Variants in ERMAP observed in about 807,000 individuals in gnomAD.
ERMAP encodes the protein erythroblast membrane associated protein (Scianna blood group), also known as erythroid membrane-associated protein.
In ERMAP, 34 loss-of-function variants were observed where a neutral mutation model predicts 49.5. The observed-to-expected ratio is 0.69, with a 90% CI of 0.52 to 0.91. The LOEUF (loss-of-function observed/expected upper bound fraction) is 0.91, where lower values mean the gene tolerates loss of function less well. ERMAP is among the 40% of genes least tolerant of loss of function. ERMAP has a pLI of 0.00. For missense variants in ERMAP, 541 were observed against 582.6 expected (o/e 0.93, Z 0.74); for synonymous variants, 214 against 232.2 (o/e 0.92, Z 0.71).
Position 42,830,754 on chromosome 1 carries a change from C to CT in ERMAP, c.86-7dup, listed in dbSNP as rs1557608299. The CT allele has an allele frequency of 1.3e-6, 2 of 1,516,294 alleles. No individual in the cohort carries two copies. The highest frequency in any genetic ancestry group is 1.8e-6 in the Non-Finnish European group (2 of 1,132,040). 93.9% of individuals were successfully genotyped at this position (1,516,294 alleles called of 1,614,324 possible). Reference sequence around the variant, plus strand: ...CCGTCCCTCCCAGTTGGCCTTGTCTCTTTTTTTGTCCAGGCCACGCAGGGG... The same window carrying CT: ...CCGTCCCTCCCAGTTGGCCTTGTCTCTTTTTTTTGTCCAGGCCACGCAGGGG... On this transcript the variant is annotated splice_polypyrimidine_tract_variant and intron_variant, in intron 3 of 11. Transcript: ENST00000372517.
chr1:42,839,915 C>T (rs1655008258), intron 8 of ERMAP, 118 bp from the exon 9 acceptor site: 1 of 1,036,292 alleles, frequency 9.6e-7, no homozygotes, highest in South Asian at 1.3e-5. Flanking sequence ...TGGGGAAGTT[C>T]CAGGGTATAG....
chr1:42,840,739 G>C (rs1655035677), intron 11 of ERMAP, among the ~76,000 whole-genome samples: 1 of 152,102 alleles, frequency 6.6e-6, no homozygotes, highest in South Asian at 2.1e-4. Context: ...ATGCATAAGT[G>C]TTTTATTTTT....
intron 6 of ERMAP, among the ~76,000 whole-genome samples, chr1:42,836,431 T>C (rs1234593435): frequency 6.6e-6 from 1 of 151,990 alleles, no homozygotes; most frequent in Non-Finnish European, 1.5e-5. Context: ...AGGGGAAAAG[T>C]GGCAGGGGTG....
rs951485886 is a variant in ERMAP at position 42,819,054 on chromosome 1, GTGGAAAAGCCACATGGAAGAC to G, written c.-122+1810_-122+1830del. ...CAAACCAGCTATAGGGAATGGAGGA[GTGGAAAAGCCACATGGAAGAC>G]TGGAAAAGTAGTGGTGCCACTGAGC... On this transcript the variant is annotated intron_variant, in intron 1 of 11. Transcript: ENST00000372517. This position sits in a 1 kb window ranked among gnomAD's most constrained non-coding sequence, Gnocchi z 5.1. Among the ~76,000 whole-genome samples the G allele has an allele frequency of 6.6e-6, 1 of 152,156 alleles. No homozygotes were observed. Among genetic ancestry groups the G allele is most frequent in the African/African-American group, 2.4e-5 (1 of 41,418 alleles).
chr1:42,830,820 C>G lies in ERMAP; in HGVS notation c.138C>G (p.Ala46=), dbSNP rs150122881. The G allele has an allele frequency of 1.2e-5, 19 of 1,586,114 alleles. No homozygotes were observed. The highest frequency in any genetic ancestry group is 1.4e-5 in the Non-Finnish European group (16 of 1,166,616). The change falls in exon 4 of 12, where the codon GCC becomes GCG. Residue 46 remains alanine, a synonymous_variant. Coordinates refer to ENST00000372517, the MANE Select transcript of ERMAP (RefSeq NM_001017922.2). ...ACGTGGCCCTACTAGGGGGCACAGC[C>G]GAGCTGCTCTGCCCTCTCTCCCTCT... ...KFHVALLGGT[A]ELLCPLSLWP...
chr1:42,824,194 A>C lies in ERMAP; in HGVS notation c.-121-1429A>C, dbSNP rs184870556. On this transcript the variant is annotated intron_variant, in intron 1 of 11. Coordinates refer to ENST00000372517, the MANE Select transcript of ERMAP (RefSeq NM_001017922.2). ...CCCGTCTCTACTAAAAATACAAAAA[A>C]AAAAATAGCTGGGCGTGGTGGCGGG... Among the ~76,000 whole-genome samples the C allele has an allele frequency of 9.5e-4, 145 of 151,946 alleles. 2 individuals are homozygous for C. In the East Asian group the frequency reaches 0.026, roughly 27 times the overall value.
chr1:42,831,575 C>CT (rs796367653), intron 4 of ERMAP, among the ~76,000 whole-genome samples: 29 of 83,972 alleles, frequency 3.5e-4, no homozygotes, highest in African/African-American at 6.8e-4. Flanking sequence ...TTTTTTTTCT[C>CT]TTTTTTTTTT....
intron 4 of ERMAP, among the ~76,000 whole-genome samples, chr1:42,833,882 G>A (rs145238971): frequency 9.7e-4 from 147 of 152,222 alleles, no homozygotes; most frequent in African/African-American, 3.4e-3. Flanking sequence ...TCCTTGAAAC[G>A]AACTGGAGAC....
chr1:42,819,421 C>T lies in ERMAP; in HGVS notation c.-122+2168C>T, dbSNP rs1325853739. On this transcript the variant is annotated intron_variant, in intron 1 of 11. Coordinates refer to ENST00000372517, the MANE Select transcript of ERMAP (RefSeq NM_001017922.2). The surrounding 1 kb of genome is among the most constrained non-coding windows in gnomAD (Gnocchi z 5.1). Reference sequence around the variant, plus strand: ...AGGCTGAACACTGTCAAAGTCCCCTCTCTATTCTTTCCATGAGTTTATGCT... The same window carrying T: ...AGGCTGAACACTGTCAAAGTCCCCTTTCTATTCTTTCCATGAGTTTATGCT... Among the ~76,000 whole-genome samples the T allele has an allele frequency of 1.3e-5, 2 of 151,982 alleles. No homozygotes were observed. The highest frequency in any genetic ancestry group is 2.9e-5 in the Non-Finnish European group (2 of 67,934).
chr1:42,823,720 G>A (rs1395981594), intron 1 of ERMAP, among the ~76,000 whole-genome samples: 1 of 152,126 alleles, frequency 6.6e-6, no homozygotes, highest in Admixed American at 6.5e-5. Flanking sequence ...GATATGCAGC[G>A]TAACTGTTTA....
chr1:42,824,404 A>G (rs1186202574), intron 1 of ERMAP: 1 of 152,208 alleles, frequency 6.6e-6, no homozygotes, highest in Non-Finnish European at 1.5e-5. Flanking sequence ...AAGCCCAGAA[A>G]CAACCCACAT....
rs968986534 is a variant in ERMAP at position 42,838,149 on chromosome 1, C to G, written c.617-752C>G. On this transcript the variant is annotated intron_variant, in intron 7 of 11. Transcript: ENST00000372517. The stretch of plus-strand genomic sequence containing the variant: ...TCACATTATTGAGAGGATTCAGTGC[C>G]TACTTCAGTATAAGCACAGCAGACA... 3.3e-5 allele frequency among the ~76,000 whole-genome samples: 5 copies of G among 152,198 alleles called. 1 individual carries two copies. The highest frequency in any genetic ancestry group is 2.6e-4 in the Admixed American group (4 of 15,282).
At chr1:42,822,085 A>G (rs1246699278) in intron 1 of ERMAP, among the ~76,000 whole-genome samples, 4 of 151,404 alleles carry the variant, frequency 2.6e-5, no homozygotes, top group African/African-American at 9.7e-5. Context: ...ATAATAAATT[A>G]TATAACAACA....
chr1:42,828,892 G>A lies in ERMAP; in HGVS notation c.-5-1552G>A, dbSNP rs185190038. ...TCTATTTGATTTCAGGCAGCCTTGG[G>A]TTAGCTTGGAGCTCTGGGTCACTCT... On this transcript the variant is annotated intron_variant, in intron 2 of 11. Coordinates refer to ENST00000372517, the MANE Select transcript of ERMAP (RefSeq NM_001017922.2). Among the ~76,000 whole-genome samples, 4 of 152,270 alleles carry A rather than the reference G, an allele frequency of 2.6e-5. No homozygotes were observed. The East Asian group carries it at 7.7e-4, about 29-fold the overall frequency.
At chr1:42,836,962 G>T (rs1033447131) in intron 6 of ERMAP, 196 bp from the exon 7 acceptor site, 22 of 544,944 alleles carry the variant, frequency 4.0e-5, no homozygotes, top group Admixed American at 6.6e-5. Context: ...AGAGACCAGA[G>T]GGATTAAGAC....
Position 42,843,086 on chromosome 1 carries a change from G to T in ERMAP, c.1282G>T (p.Gly428Trp), listed in dbSNP as rs1354914816. ...GGAATCAATTGTCCCCAGGCCAGAA[G>T]GGAAAGGCCATGCTAATGGAGATGT... ...SEESIVPRPE[G>W]KGHANGDVSL... Residue 428 changes from glycine (G) to tryptophan (W), a missense_variant, in exon 12 of 12, where the codon GGG (glycine) becomes TGG (tryptophan). Transcript: ENST00000372517. 5 of 1,614,086 alleles carry T rather than the reference G, an allele frequency of 3.1e-6. No homozygotes were observed. In the African/African-American group the frequency reaches 6.7e-5, roughly 22 times the overall value.
chr1:42,831,535 G>A (rs1654729528), intron 4 of ERMAP, among the ~76,000 whole-genome samples: 2 of 147,800 alleles, frequency 1.4e-5, no homozygotes, highest in African/African-American at 5.0e-5. Flanking sequence ...AAAGTAAAGG[G>A]TTAGGAAGGG....
intron 2 of ERMAP, among the ~76,000 whole-genome samples, chr1:42,826,934 C>T (rs1469026097): frequency 1.3e-5 from 2 of 151,842 alleles, no homozygotes; most frequent in African/African-American, 4.8e-5. Context: ...CTGATTCTAG[C>T]CCTCAATCCA....
chr1:42,841,317 T>C (rs557873724), intron 11 of ERMAP, among the ~76,000 whole-genome samples: 51 of 152,316 alleles, frequency 3.3e-4, no homozygotes, highest in African/African-American at 1.2e-3. Flanking sequence ...GGAAGGAGAC[T>C]CACTGTGACA....
Sources: allele counts gnomAD v4.1 joint callset (sites outside exome capture counted in the v4.1 genomes callset), GRCh38; gene constraint gnomAD v4.1.1; non-coding constraint Gnocchi (gnomAD v3.1); transcripts MANE v1.5; gene names NCBI Gene and HGNC (gene_info 2026-07-23, HGNC 2026-07-21).